Variants in SEC14L5 observed in about 807,000 individuals in gnomAD.
SEC14L5 encodes SEC14 like lipid binding 5, also known as SEC14-like protein 5.
A neutral mutation model predicts 84.6 loss-of-function variants in SEC14L5; 96 were observed. The ratio of observed to expected loss-of-function variants is 1.13; its 90% CI spans 0.96 to 1.34. SEC14L5 has a LOEUF of 1.34. Ranked by LOEUF, SEC14L5 falls within the 40% of genes most tolerant of loss-of-function variation. SEC14L5 has a pLI of 0.00. For missense variants in SEC14L5, 1,224 were observed against 942.5 expected (o/e 1.30, Z -3.91); for synonymous variants, 546 against 383.4 (o/e 1.42, Z -4.95).
In SEC14L5 at chr16:4,996,478, C is replaced by T. The variant is rs1374364029; in HGVS notation, c.780+18C>T. ...AAGGCAAGGTGGGTGCAGGGGGTAC[C>T]CTGGAGCAGTGGATGAATGGGCAAT... On this transcript the variant is annotated intron_variant, in intron 7 of 15. Transcript: ENST00000251170. The T allele has an allele frequency of 2.1e-6, 3 of 1,425,688 alleles. No individual in the cohort carries two copies. The highest frequency in any genetic ancestry group is 2.9e-6 in the Non-Finnish European group (3 of 1,031,538). The allele number at this position is 1,425,688 out of a possible 1,614,324, so 88.3% of individuals were successfully genotyped here. A position where few individuals can be genotyped will look rare whatever the true frequency, so the allele number is the denominator to read the frequency against.
intron 2 of SEC14L5, among the ~76,000 whole-genome samples, chr16:4,970,423 G>C (rs1259699913): frequency 6.6e-6 from 1 of 152,206 alleles, no homozygotes; most frequent in Non-Finnish European, 1.5e-5. Flanking sequence ...GTGCAAGTTA[G>C]AAAGTGGCTG....
intron 15 of SEC14L5, 64 bp downstream of exon 15, chr16:5,011,337 T>G (rs2142535660): frequency 6.6e-7 from 1 of 1,511,958 alleles, no homozygotes; most frequent in African/African-American, 1.4e-5. Context: ...ACAATGCAGA[T>G]GCCTGGCCTC....
chr16:5,014,227 G>T (rs12051345), intron 15 of SEC14L5, among the ~76,000 whole-genome samples: 27,223 of 152,214 alleles, frequency 0.18, 3,183 homozygotes, highest in Non-Finnish European at 0.25. Context: ...GTGTTGGACT[G>T]TGCAGGTGTA....
chr16:4,992,947 C>G lies in SEC14L5; in HGVS notation c.667+917C>G, dbSNP rs1427803918. Among the ~76,000 whole-genome samples the G allele has an allele frequency of 3.9e-5, 6 of 152,152 alleles. No homozygotes were observed. The South Asian group carries it at 1.2e-3, about 32-fold the overall frequency. ...TGATATTTTGCTTTTTTTTCACTTA[C>G]TAATGTTGCCTGAAAAACTTTCTGT... On this transcript the variant is annotated intron_variant, in intron 6 of 15. Coordinates refer to ENST00000251170, the MANE Select transcript of SEC14L5 (RefSeq NM_014692.2).
At chr16:4,966,279 T>TC (rs1955199683) in intron 2 of SEC14L5, among the ~76,000 whole-genome samples, 1 of 142,070 alleles carries the variant, frequency 7.0e-6, no homozygotes, top group Non-Finnish European at 1.5e-5. Context: ...TTTTTTTTTT[T>TC]TTTTTTTTTT....
At chr16:4,998,327 C>T (rs192218042) in intron 8 of SEC14L5, among the ~76,000 whole-genome samples, 42 of 151,762 alleles carry the variant, frequency 2.8e-4, no homozygotes, top group Middle Eastern at 3.4e-3. Flanking sequence ...TTTTAATGTC[C>T]CCATGGATAT....
At chr16:5,000,399 A>G (rs1189860166) in intron 8 of SEC14L5, among the ~76,000 whole-genome samples, 3 of 152,234 alleles carry the variant, frequency 2.0e-5, no homozygotes, top group African/African-American at 4.8e-5. Context: ...CTGCCCCCCA[A>G]AATGCTGGGG....
intron 15 of SEC14L5, among the ~76,000 whole-genome samples, chr16:5,013,299 G>T (rs1046544088): frequency 1.7e-4 from 26 of 152,194 alleles, no homozygotes; most frequent in African/African-American, 5.8e-4. Flanking sequence ...CCTAGGGTTG[G>T]GAGAGAGGGT....
intron 6 of SEC14L5, among the ~76,000 whole-genome samples, chr16:4,993,095 T>A (rs1041668009): frequency 1.3e-5 from 2 of 152,140 alleles, no homozygotes; most frequent in Non-Finnish European, 2.9e-5. Flanking sequence ...CAGCTTGGTA[T>A]GCAGTGGTGC....
rs539334629 is a variant in SEC14L5, at chr16:4,998,453, C to T, written c.970+1409C>T. 4.0e-5 allele frequency among the ~76,000 whole-genome samples: 6 copies of T among 151,852 alleles called. No individual in the cohort carries two copies. The South Asian group carries it at 1.2e-3, about 32-fold the overall frequency. On this transcript the variant is annotated intron_variant, in intron 8 of 15. Transcript: ENST00000251170. ...CAATGTCCTTTATCTAAACGTTCAT[C>T]TAGGGCCGGGCGCGGTGGCTCACGC...
At position 4,990,785 on chromosome 16, in the gene SEC14L5, G is replaced by T. The variant is rs780128523; in HGVS notation, c.364G>T (p.Asp122Tyr). The T allele has an allele frequency of 6.2e-7, 1 of 1,609,846 alleles. No individual in the cohort carries two copies. Residue 122 changes from aspartate (D) to tyrosine (Y), a missense_variant, in exon 5 of 16, where the codon GAC becomes TAC. Transcript: ENST00000251170. ...CSYTVHPENE[D>Y]WTCFEQSASL... ...CTTTCAGGTCCACCCTGAGAATGAA[G>T]ACTGGACTTGCTTCGAGCAGTCTGC...
chr16:5,010,664 C>T (rs931145825), intron 14 of SEC14L5, among the ~76,000 whole-genome samples: 3 of 152,178 alleles, frequency 2.0e-5, no homozygotes, highest in African/African-American at 7.2e-5. Flanking sequence ...AGTGGCTCTT[C>T]TTGTAAAAAC....
At position 4,991,984 on chromosome 16, in the gene SEC14L5, G is replaced by A. The variant is rs1596631111; in HGVS notation, c.621G>A (p.Gly207=). ...PRDPSSLEAH[G]PRSTLGPALE... is the part of the protein sequence containing the mutation. ...ACCCCAGCTCCCTGGAGGCCCACGG[G>A]CCCCGTAGCACCCTGGGGCCCGCTC... Residue 207 remains glycine, a synonymous_variant, in exon 6 of 16, where the codon GGG becomes GGA. Coordinates refer to ENST00000251170, the MANE Select transcript of SEC14L5 (RefSeq NM_014692.2). 3.8e-6 allele frequency: 6 copies of A among 1,586,052 alleles called. No individual in the cohort carries two copies. Among genetic ancestry groups the A allele is most frequent in the Middle Eastern group, 1.7e-4 (1 of 5,938 alleles).
At chr16:5,003,070 G>C (rs991601787) in intron 10 of SEC14L5, among the ~76,000 whole-genome samples, 1 of 152,248 alleles carries the variant, frequency 6.6e-6, no homozygotes, top group Non-Finnish European at 1.5e-5. Context: ...GCCCGTCCTT[G>C]CAGAGAGCTT....
rs979934421 is a variant in SEC14L5, at chr16:5,005,787, C to G, written c.1303-127C>G. Reference sequence around the variant, plus strand: ...GCTGAGGCAGGAGGATGGCGTGAACCCGGGAGGTGGAGCTTGCAGTGAGCC... The same window carrying G: ...GCTGAGGCAGGAGGATGGCGTGAACGCGGGAGGTGGAGCTTGCAGTGAGCC... On this transcript the variant is annotated intron_variant, in intron 11 of 15. Coordinates refer to ENST00000251170, the MANE Select transcript of SEC14L5 (RefSeq NM_014692.2). 5 of 906,838 alleles carry G rather than the reference C, an allele frequency of 5.5e-6. No individual in the cohort carries two copies. In the Admixed American group the frequency reaches 9.3e-5, roughly 17 times the overall value. The allele number at this position is 906,838 out of a possible 1,614,324, so 56.2% of individuals were successfully genotyped here.
chr16:4,989,073 G>A (rs1018882448), intron 4 of SEC14L5, among the ~76,000 whole-genome samples: 2 of 152,238 alleles, frequency 1.3e-5, no homozygotes, highest in Non-Finnish European at 2.9e-5. Context: ...GCATGAGTGA[G>A]GTCTGCCAAG....
intron 5 of SEC14L5, among the ~76,000 whole-genome samples, chr16:4,991,583 A>T (rs1955553950): frequency 6.6e-6 from 1 of 151,970 alleles, no homozygotes; most frequent in African/African-American, 2.4e-5. Flanking sequence ...ATAAACAAAA[A>T]CAAAAACAAC....
rs1365855256 is a variant in SEC14L5 at position 5,003,427 on chromosome 16, G to C, written c.1156G>C (p.Glu386Gln). ...CTCCTGGACCTGCCTGCTAGACCTG[G>C]AGGGACTCAACATGCGGCACCTGTG... ...ISSWTCLLDL[E>Q]GLNMRHLWRP... Residue 386 changes from glutamate (E) to glutamine (Q), a missense_variant, in exon 11 of 16, where the codon GAG becomes CAG. Coordinates refer to ENST00000251170, the MANE Select transcript of SEC14L5 (RefSeq NM_014692.2). 6.2e-7 allele frequency: 1 copy of C among 1,613,294 alleles called. No homozygotes were observed. Among genetic ancestry groups the C allele is most frequent in the African/African-American group, 1.3e-5 (1 of 74,942 alleles).
chr16:5,012,030 A>G (rs1370906368), intron 15 of SEC14L5, among the ~76,000 whole-genome samples: 1 of 152,194 alleles, frequency 6.6e-6, no homozygotes, highest in Non-Finnish European at 1.5e-5. Flanking sequence ...TGGGGGTAAA[A>G]TTAAGGCTCA....
Sources: gnomAD v4.1 joint callset for allele counts (sites outside exome capture counted in the v4.1 genomes callset) on GRCh38, gnomAD v4.1.1 for gene constraint, MANE v1.5 for transcripts, NCBI Gene and HGNC (gene_info 2026-07-23, HGNC 2026-07-21) for gene names.